Variants in ACTMAP observed in about 807,000 individuals in gnomAD.
ACTMAP encodes the protein UPF0692 protein C19orf54.
the ACTMAP span, among the ~76,000 whole-genome samples, chr19:40,746,015 C>T: frequency 2.0e-5 from 3 of 152,152 alleles, no homozygotes; most frequent in Non-Finnish European, 4.4e-5. Flanking sequence ...ATATGTTGCC[C>T]AGGCTCCAAA....
At chr19:40,745,729 A>C in the ACTMAP span, among the ~76,000 whole-genome samples, 1 of 152,034 alleles carries the variant, frequency 6.6e-6, no homozygotes, top group Non-Finnish European at 1.5e-5. Context: ...CTGGAGTGCA[A>C]CAGCGCGATC....
chr19:40,748,136 C>A, the ACTMAP span, among the ~76,000 whole-genome samples: 1 of 152,062 alleles, frequency 6.6e-6, no homozygotes, highest in African/African-American at 2.4e-5. Context: ...TTAAATTTGC[C>A]TCATCTCAGT....
the ACTMAP span, among the ~76,000 whole-genome samples, chr19:40,742,934 G>A: frequency 1.3e-5 from 2 of 152,190 alleles, no homozygotes; most frequent in African/African-American, 4.8e-5. Context: ...TGGACCCACC[G>A]TGGCACCCGG....
the ACTMAP span, chr19:40,744,066 C>G: frequency 6.2e-7 from 1 of 1,613,746 alleles, no homozygotes; most frequent in African/African-American, 1.3e-5. Context: ...CCCTGGGATA[C>G]GGGATGAGCA....
chr19:40,741,958 A>G, the ACTMAP span: 1 of 441,892 alleles, frequency 2.3e-6, no homozygotes, highest in Non-Finnish European at 4.6e-6. Context: ...GGAAAAGTTA[A>G]GGAGTGATCC....
chr19:40,748,996 T>A, the ACTMAP span, among the ~76,000 whole-genome samples: 1 of 146,118 alleles, frequency 6.8e-6, no homozygotes, highest in African/African-American at 2.5e-5. Context: ...TTTTTTTTTT[T>A]TTTTTTTTTT....
chr19:40,747,026 C>T, the ACTMAP span, among the ~76,000 whole-genome samples: 1 of 151,598 alleles, frequency 6.6e-6, no homozygotes, highest in Non-Finnish European at 1.5e-5. Context: ...AGGCTAGTCT[C>T]AAACTCCTGG....
the ACTMAP span, chr19:40,742,013 A>G: frequency 2.3e-6 from 1 of 436,584 alleles, no homozygotes; most frequent in South Asian, 1.6e-5. Flanking sequence ...GGGGATTTGA[A>G]CAACACTTCA....
chr19:40,744,801 C>G, the ACTMAP span: 1 of 1,398,234 alleles, frequency 7.2e-7, no homozygotes, highest in African/African-American at 1.5e-5. Flanking sequence ...CCCAGGCCAG[C>G]GAGGGAGACC....
the ACTMAP span, chr19:40,749,402 G>C: frequency 1.4e-6 from 2 of 1,383,404 alleles, no homozygotes; most frequent in Middle Eastern, 2.5e-4. Context: ...GAGGACACGG[G>C]AACCCCCCCC....
chr19:40,747,063 T>C, the ACTMAP span, among the ~76,000 whole-genome samples: 2 of 150,544 alleles, frequency 1.3e-5, no homozygotes, highest in Non-Finnish European at 3.0e-5. Flanking sequence ...TGCCTTGGCC[T>C]CCCAAAGTGC....
the ACTMAP span, among the ~76,000 whole-genome samples, chr19:40,748,052 A>G: frequency 6.6e-6 from 1 of 152,222 alleles, no homozygotes; most frequent in African/African-American, 2.4e-5. Flanking sequence ...GAGAGGATTC[A>G]GTAAATTAAT....
chr19:40,744,703 G>C, the ACTMAP span: 1 of 1,594,720 alleles, frequency 6.3e-7, no homozygotes. Flanking sequence ...GAGAGGCCCA[G>C]CCTGTCAATC....
At chr19:40,745,198 C>G in the ACTMAP span, 1 of 1,551,788 alleles carries the variant, frequency 6.4e-7, no homozygotes, top group South Asian at 1.2e-5. Flanking sequence ...CACCTCGGAA[C>G]CTGAAGCAGA....
chr19:40,742,415 C>A, the ACTMAP span: 4 of 1,452,544 alleles, frequency 2.8e-6, no homozygotes, highest in Non-Finnish European at 3.6e-6. Context: ...AGGCTGCAGC[C>A]TGAGACCGCA....
At chr19:40,749,255 T>C in the ACTMAP span, among the ~76,000 whole-genome samples, 1 of 152,150 alleles carries the variant, frequency 6.6e-6, no homozygotes, top group Admixed American at 6.6e-5. Flanking sequence ...CCTCCCAAAG[T>C]GCTGGGATTA....
the ACTMAP span, chr19:40,740,939 T>C: frequency 7.5e-6 from 3 of 398,570 alleles, no homozygotes; most frequent in East Asian, 3.6e-5. Flanking sequence ...AATGAGCAGT[T>C]TGGGAAAGAG....
chr19:40,743,522 C>T, the ACTMAP span, among the ~76,000 whole-genome samples: 20,889 of 152,126 alleles, frequency 0.14, 1,548 homozygotes, highest in Middle Eastern at 0.18. Context: ...CGTGAGCCAC[C>T]GCGCCTGGCC....
the ACTMAP span, among the ~76,000 whole-genome samples, chr19:40,745,650 C>A: frequency 6.6e-6 from 1 of 152,128 alleles, no homozygotes; most frequent in African/African-American, 2.4e-5. Flanking sequence ...TAGGCATGCA[C>A]CACCATGTCC....
Sources: allele counts gnomAD v4.1 joint callset (sites outside exome capture counted in the v4.1 genomes callset), GRCh38; gene constraint gnomAD v4.1.1; transcripts MANE v1.5; gene names NCBI Gene and HGNC (gene_info 2026-07-23, HGNC 2026-07-21).